Variants in STOX1 observed in about 807,000 individuals in gnomAD.
STOX1 encodes the protein storkhead-box protein 1.
In STOX1, 57 loss-of-function variants were observed where a neutral mutation model predicts 74.8. That is an observed-to-expected ratio of 0.76 (90% confidence interval 0.62 to 0.95). The LOEUF (loss-of-function observed/expected upper bound fraction) is 0.95, where lower values mean the gene tolerates loss of function less well. Ranked by LOEUF, STOX1 falls within the 40% of genes least tolerant of loss-of-function variation. STOX1 has a pLI of 0.00. For synonymous variants in STOX1, 375 were observed against 401.3 expected (o/e 0.93, Z 0.78); for missense variants, 1,010 against 1,117.0 (o/e 0.90, Z 1.37).
rs139392122 is a variant in STOX1, at chr10:68,849,392, C to T, written c.310+21459C>T. The stretch of plus-strand genomic sequence containing the variant: ...TTCTCTTAGGCCAGTAATTCCCGAA[C>T]TCTTCCGATTATTTAATTTATAAAT... On this transcript the variant is annotated intron_variant, in intron 1 of 3. Coordinates refer to ENST00000298596, the MANE Select transcript of STOX1 (RefSeq NM_152709.5). Among the ~76,000 whole-genome samples the T allele has an allele frequency of 1.6e-3, 243 of 152,312 alleles. 3 individuals are homozygous for T. Among genetic ancestry groups the T allele is most frequent in the Admixed American group, 0.014 (212 of 15,302 alleles).
downstream of STOX1, among the ~76,000 whole-genome samples, chr10:68,893,481 A>C (rs1429545076): frequency 6.6e-6 from 1 of 152,156 alleles, no homozygotes; most frequent in Non-Finnish European, 1.5e-5. Context: ...GCAGTCGCAC[A>C]ATCTCGGCTC....
At chr10:68,878,041 A>G (rs1298588288) in intron 1 of STOX1, among the ~76,000 whole-genome samples, 1 of 152,198 alleles carries the variant, frequency 6.6e-6, no homozygotes, top group Non-Finnish European at 1.5e-5. Context: ...AAGGCCAGAA[A>G]AAACCTCTTG....
chr10:68,862,281 A>T (rs1399551719), intron 1 of STOX1, among the ~76,000 whole-genome samples: 2 of 151,900 alleles, frequency 1.3e-5, no homozygotes, highest in South Asian at 2.1e-4. Flanking sequence ...CTTCCCAAGG[A>T]TGGGAAAACT....
chr10:68,830,910 GT>G (rs1839389931), intron 1 of STOX1, among the ~76,000 whole-genome samples: 2 of 152,162 alleles, frequency 1.3e-5, no homozygotes, highest in Admixed American at 6.6e-5. Context: ...GGGTCCCTAG[GT>G]TCATATCAAA....
chr10:68,845,251 C>T (rs577015228), intron 1 of STOX1, among the ~76,000 whole-genome samples: 22 of 151,434 alleles, frequency 1.5e-4, no homozygotes, highest in Middle Eastern at 3.4e-3. Flanking sequence ...ACTACAGTTG[C>T]GCACCACAAC....
intron 1 of STOX1, among the ~76,000 whole-genome samples, chr10:68,876,591 T>C (rs546321631): frequency 6.6e-6 from 1 of 152,222 alleles, no homozygotes; most frequent in Non-Finnish European, 1.5e-5. Flanking sequence ...TTGTTGTTAT[T>C]TTTTGTGAAA....
intron 1 of STOX1, among the ~76,000 whole-genome samples, chr10:68,835,227 A>C (rs1404853071): frequency 2.0e-5 from 3 of 150,902 alleles, no homozygotes; most frequent in Non-Finnish European, 2.9e-5. Flanking sequence ...TTTTTAATAG[A>C]GACGGGGTTT....
chr10:68,843,511 A>G (rs141257674), intron 1 of STOX1, among the ~76,000 whole-genome samples: 16 of 152,188 alleles, frequency 1.1e-4, no homozygotes, highest in Non-Finnish European at 1.5e-4. Flanking sequence ...TGATATTATC[A>G]GTATGTTATT....
At chr10:68,883,222 CAA>C (rs56982685) in intron 2 of STOX1, among the ~76,000 whole-genome samples, 60,962 of 140,066 alleles carry the variant, frequency 0.44, 13,021 homozygotes, top group East Asian at 0.61. Context: ...CTAAAAACTA[CAA>C]AAAAAAAAAA....
At chr10:68,831,181 TTATTTATC>T (rs1564567235) in intron 1 of STOX1, among the ~76,000 whole-genome samples, 2 of 151,938 alleles carry the variant, frequency 1.3e-5, no homozygotes, top group African/African-American at 2.4e-5. Context: ...CCATAGATAT[TTATTTATC>T]TATTTATTTA....
chr10:68,835,956 C>T (rs970875812), intron 1 of STOX1, among the ~76,000 whole-genome samples: 2 of 151,540 alleles, frequency 1.3e-5, no homozygotes, highest in African/African-American at 4.8e-5. Context: ...ACTGAAACCT[C>T]CTCCTCCTGG....
At chr10:68,840,228 G>A (rs1035744495) in intron 1 of STOX1, among the ~76,000 whole-genome samples, 14 of 152,178 alleles carry the variant, frequency 9.2e-5, no homozygotes, top group African/African-American at 3.4e-4. Flanking sequence ...ACTCCTAGAA[G>A]AGAACATGGG....
intron 1 of STOX1, among the ~76,000 whole-genome samples, chr10:68,848,693 C>G (rs538798297): frequency 2.6e-4 from 40 of 152,246 alleles, no homozygotes; most frequent in Admixed American, 2.2e-3. Flanking sequence ...TTGAGACAGT[C>G]TCACTCTGTC....
chr10:68,837,741 A>G (rs1220796355), intron 1 of STOX1, among the ~76,000 whole-genome samples: 1 of 152,164 alleles, frequency 6.6e-6, no homozygotes, highest in African/African-American at 2.4e-5. Flanking sequence ...CTTGTCACTA[A>G]GCAGCTGAGT....
intron 1 of STOX1, among the ~76,000 whole-genome samples, chr10:68,866,723 C>T (rs964516934): frequency 2.0e-5 from 3 of 152,124 alleles, no homozygotes; most frequent in Non-Finnish European, 4.4e-5. Flanking sequence ...CTTTCTGTGG[C>T]GGCTCTCCAG....
intron 3 of STOX1, among the ~76,000 whole-genome samples, chr10:68,886,930 G>GA (rs1216928409): frequency 8.8e-5 from 13 of 148,302 alleles, no homozygotes; most frequent in South Asian, 2.2e-4. Context: ...AAAAAAAAAA[G>GA]AAAAAAAAAG....
chr10:68,828,988 C>T, intron 1 of STOX1: 2 of 985,348 alleles, frequency 2.0e-6, no homozygotes, highest in Non-Finnish European at 2.4e-6. Context: ...GGCACTAAAC[C>T]CAGGCAGGTG....
At chr10:68,849,020 A>T (rs1290058461) in intron 1 of STOX1, among the ~76,000 whole-genome samples, 3 of 152,198 alleles carry the variant, frequency 2.0e-5, no homozygotes, top group Non-Finnish European at 4.4e-5. Flanking sequence ...CAAGCCAGGC[A>T]TGGGACCCAC....
At chr10:68,853,262 C>T (rs1035677092) in intron 1 of STOX1, among the ~76,000 whole-genome samples, 1 of 152,062 alleles carries the variant, frequency 6.6e-6, no homozygotes, top group African/African-American at 2.4e-5. Flanking sequence ...GGTGCTAGGA[C>T]CCAATCCGCT....
Sources: gnomAD v4.1 joint callset for allele counts (sites outside exome capture counted in the v4.1 genomes callset) on GRCh38, gnomAD v4.1.1 for gene constraint, MANE v1.5 for transcripts, NCBI Gene and HGNC (gene_info 2026-07-23, HGNC 2026-07-21) for gene names.